The following GABRG3 variants were observed in gnomAD, a reference collection of about 807,000 sequenced individuals.
GABRG3 encodes the protein gamma-aminobutyric acid type A receptor subunit gamma3, also known as gamma-aminobutyric acid receptor subunit gamma-3.
GABRG3 carries 25 observed loss-of-function variants against 48.8 expected under a neutral mutation model. The ratio of observed to expected loss-of-function variants is 0.51; its 90% confidence interval spans 0.37 to 0.72. The LOEUF (loss-of-function observed/expected upper bound fraction) is 0.72, where lower values mean the gene tolerates loss of function less well. Among genes scored for constraint, GABRG3 ranks in the 30% least tolerant of loss-of-function variants. The probability of loss-of-function intolerance (pLI) is 0.00; values close to 1 mark genes in which losing one functional copy is unlikely to be tolerated. For synonymous variants in GABRG3, 227 were observed against 217.6 expected (o/e 1.04, Z -0.38); for missense variants, 394 against 577.9 (o/e 0.68, Z 3.26).
chr15:27,383,708 GCTCA>G (rs1361883175), intron 5 of GABRG3, among the ~76,000 whole-genome samples: 1 of 152,074 alleles, frequency 6.6e-6, no homozygotes, highest in African/African-American at 2.4e-5. Context: ...CCTTGTAAAA[GCTCA>G]CTGAGTGTGA....
chr15:27,331,396 A>G (rs1334028749), intron 5 of GABRG3, among the ~76,000 whole-genome samples: 1 of 152,176 alleles, frequency 6.6e-6, no homozygotes, highest in East Asian at 1.9e-4. Context: ...ATGCAATGGA[A>G]TATTATTCAG....
intron 6 of GABRG3, among the ~76,000 whole-genome samples, chr15:27,503,286 G>T (rs1890686151): frequency 6.6e-6 from 1 of 152,170 alleles, no homozygotes; most frequent in Non-Finnish European, 1.5e-5. Flanking sequence ...TTATAGTAAT[G>T]CTTTGGGGAA....
At chr15:27,274,020 G>A (rs1891173034) in intron 3 of GABRG3, among the ~76,000 whole-genome samples, 1 of 152,172 alleles carries the variant, frequency 6.6e-6, no homozygotes, top group East Asian at 1.9e-4. Context: ...GGTTGTTGGT[G>A]TGAGACCTCA....
chr15:27,158,311 C>T (rs73373444), intron 3 of GABRG3: 5,353 of 152,194 alleles, frequency 0.035, 339 homozygotes, highest in African/African-American at 0.12. Flanking sequence ...CAACAGTGGA[C>T]GGACAGCATC....
chr15:27,385,673 G>A (rs1355661195), intron 5 of GABRG3, among the ~76,000 whole-genome samples: 1 of 152,052 alleles, frequency 6.6e-6, no homozygotes, highest in East Asian at 1.9e-4. Flanking sequence ...TCCAGTAAAT[G>A]TCTAATTTTA....
intron 5 of GABRG3, among the ~76,000 whole-genome samples, chr15:27,404,204 G>A (rs1220388292): frequency 2.0e-5 from 3 of 152,196 alleles, no homozygotes; most frequent in Non-Finnish European, 2.9e-5. Context: ...CTGGGCGACA[G>A]AGGGAGACTC....
chr15:27,059,613 A>G (rs968691074), intron 3 of GABRG3, among the ~76,000 whole-genome samples: 3 of 152,246 alleles, frequency 2.0e-5, no homozygotes, highest in Non-Finnish European at 2.9e-5. Flanking sequence ...CATTTGACAT[A>G]CACTGTTTTG....
chr15:27,399,725 C>T (rs1887421933), intron 5 of GABRG3, among the ~76,000 whole-genome samples: 1 of 152,170 alleles, frequency 6.6e-6, no homozygotes, highest in African/African-American at 2.4e-5. Flanking sequence ...TGACTCTCAG[C>T]ATTTGGTCCA....
intron 2 of GABRG3, among the ~76,000 whole-genome samples, chr15:26,983,235 A>T (rs1895086894): frequency 6.6e-6 from 1 of 151,294 alleles, no homozygotes; most frequent in African/African-American, 2.4e-5. Flanking sequence ...CAGTGAACTT[A>T]TATGTACATA....
intron 3 of GABRG3, among the ~76,000 whole-genome samples, chr15:27,251,044 G>A (rs1764983590): frequency 6.6e-6 from 1 of 152,166 alleles, no homozygotes; most frequent in African/African-American, 2.4e-5. Context: ...ATTTTCCCAC[G>A]CTGATAGCTC....
chr15:27,290,803 T>C (rs1891770866), intron 3 of GABRG3, among the ~76,000 whole-genome samples: 1 of 152,150 alleles, frequency 6.6e-6, no homozygotes. Flanking sequence ...TAAGGAAATC[T>C]GAATAAAGTA....
intron 6 of GABRG3, among the ~76,000 whole-genome samples, chr15:27,512,429 G>A (rs1477822): frequency 0.63 from 95,735 of 151,906 alleles, 31,627 homozygotes; most frequent in African/African-American, 0.84. Flanking sequence ...TGAGCACAGT[G>A]CACTGCAGGT....
At chr15:27,151,988 A>G (rs1283595650) in intron 3 of GABRG3, among the ~76,000 whole-genome samples, 2 of 152,206 alleles carry the variant, frequency 1.3e-5, no homozygotes, top group Non-Finnish European at 2.9e-5. Context: ...TTTTTCATAC[A>G]GCAAATTTTT....
intron 3 of GABRG3, among the ~76,000 whole-genome samples, chr15:27,061,351 C>T (rs536213778): frequency 6.6e-6 from 1 of 151,944 alleles, no homozygotes; most frequent in Admixed American, 6.6e-5. Context: ...ACACTGTATA[C>T]GGGGCTGGGT....
At chr15:27,453,452 A>T (rs1412394392) in intron 5 of GABRG3, among the ~76,000 whole-genome samples, 1 of 152,228 alleles carries the variant, frequency 6.6e-6, no homozygotes, top group East Asian at 1.9e-4. Flanking sequence ...ATATGAAAAT[A>T]CATGTTATTC....
intron 3 of GABRG3, among the ~76,000 whole-genome samples, chr15:27,322,900 G>A (rs1893480501): frequency 1.3e-5 from 2 of 152,154 alleles, no homozygotes; most frequent in Admixed American, 1.3e-4. Context: ...TTTACCCTTG[G>A]AAGGAAGGGT....
chr15:27,425,973 C>T (rs1016131597), intron 5 of GABRG3, among the ~76,000 whole-genome samples: 1 of 152,170 alleles, frequency 6.6e-6, no homozygotes, highest in African/African-American at 2.4e-5. Flanking sequence ...TACCCTCTCC[C>T]ATCTGGCTAC....
At chr15:27,117,449 AG>A (rs1897660996) in intron 3 of GABRG3, among the ~76,000 whole-genome samples, 1 of 152,126 alleles carries the variant, frequency 6.6e-6, no homozygotes, top group Non-Finnish European at 1.5e-5. Flanking sequence ...CCTTCTCCCA[AG>A]ACACACGCAT....
At chr15:26,984,314 G>A (rs1051992348) in intron 2 of GABRG3, among the ~76,000 whole-genome samples, 1 of 152,024 alleles carries the variant, frequency 6.6e-6, no homozygotes, top group African/African-American at 2.4e-5. Flanking sequence ...TCCAACTGCA[G>A]CAGGGCGATC....
Sources: allele counts gnomAD v4.1 joint callset (sites outside exome capture counted in the v4.1 genomes callset), GRCh38; gene constraint gnomAD v4.1.1; transcripts MANE v1.5; gene names NCBI Gene and HGNC (gene_info 2026-07-23, HGNC 2026-07-21).